TMEM132D: variants seen among roughly 807,000 people sequenced by gnomAD.
TMEM132D encodes the protein mature OL transmembrane protein.
A neutral mutation model predicts 62.3 loss-of-function variants in TMEM132D; 21 were observed. The observed-to-expected ratio is 0.34, with a 90% CI of 0.24 to 0.49. TMEM132D has a LOEUF of 0.49. Ranked by LOEUF, TMEM132D falls within the 20% of genes least tolerant of loss-of-function variation. TMEM132D has a pLI of 0.99. For synonymous variants in TMEM132D, 621 were observed against 575.6 expected (o/e 1.08, Z -1.13); for missense variants, 1,346 against 1,402.8 (o/e 0.96, Z 0.65).
intron 3 of TMEM132D, among the ~76,000 whole-genome samples, chr12:129,525,809 G>A (rs544666966): frequency 3.3e-5 from 5 of 152,130 alleles, no homozygotes; most frequent in Admixed American, 6.5e-5. Context: ...CACTCTCTTT[G>A]CGGAATCATC....
intron 5 of TMEM132D, among the ~76,000 whole-genome samples, chr12:129,170,649 AC>A (rs1441289910): frequency 3.3e-5 from 5 of 152,026 alleles, no homozygotes; most frequent in Admixed American, 6.6e-5. Flanking sequence ...ACATAGTAAA[AC>A]CCAGTCTCTA....
At chr12:129,192,014 T>A (rs1045124914) in intron 5 of TMEM132D, among the ~76,000 whole-genome samples, 31 of 152,256 alleles carry the variant, frequency 2.0e-4, no homozygotes, top group African/African-American at 7.2e-4. Context: ...TCATATCTTC[T>A]GAACCCTGGG....
chr12:129,269,099 A>G (rs1029936645), intron 4 of TMEM132D, among the ~76,000 whole-genome samples: 2 of 151,974 alleles, frequency 1.3e-5, no homozygotes, highest in East Asian at 1.9e-4. Context: ...CAGCACACCA[A>G]CATGGCACAT....
intron 5 of TMEM132D, among the ~76,000 whole-genome samples, chr12:129,108,035 A>T (rs1189608923): frequency 6.6e-6 from 1 of 152,176 alleles, no homozygotes; most frequent in Non-Finnish European, 1.5e-5. Context: ...TGTCCTGGAC[A>T]TTGCAGGGCA....
chr12:129,480,506 A>T (rs1241451829), intron 3 of TMEM132D, among the ~76,000 whole-genome samples: 2 of 152,176 alleles, frequency 1.3e-5, no homozygotes, highest in Non-Finnish European at 2.9e-5. Flanking sequence ...TCTGTGAATG[A>T]GCAAAATCAT....
Position 129,123,334 on chromosome 12 carries a change from T to C in TMEM132D, c.1444-38632A>G, listed in dbSNP as rs573568762. On this transcript the variant is annotated intron_variant, in intron 5 of 8. Transcript: ENST00000422113. ...TTGACAGTTTGTAATTAGTTGTTGA[T>C]TTTTTTTTCAACCTAAATATTCGGT... Among the ~76,000 whole-genome samples, 18 of 151,736 alleles carry C rather than the reference T, an allele frequency of 1.2e-4. 1 individual carries two copies. In the East Asian group the frequency reaches 1.6e-3, roughly 13 times the overall value.
chr12:129,406,228 G>A (rs1593367410), intron 3 of TMEM132D, among the ~76,000 whole-genome samples: 1 of 152,174 alleles, frequency 6.6e-6, no homozygotes, highest in South Asian at 2.1e-4. Context: ...AGTTTTGTAA[G>A]TAGTCTTCAA....
rs533715337 is a variant in TMEM132D at position 129,087,187 on chromosome 12, T to G, written c.1444-2485A>C. On this transcript the variant is annotated intron_variant, in intron 5 of 8. Transcript: ENST00000422113. ...CCCCATTCAACTTTGTTTCTGTGAG[T>G]TGGACTTTTCCCGACGTATAAGCAA... Among the ~76,000 whole-genome samples, 16 of 152,252 alleles carry G rather than the reference T, an allele frequency of 1.1e-4. No individual in the cohort carries two copies. In the East Asian group the frequency reaches 2.5e-3, roughly 24 times the overall value.
At chr12:129,795,752 C>A (rs1196207205) in intron 1 of TMEM132D, among the ~76,000 whole-genome samples, 2 of 152,148 alleles carry the variant, frequency 1.3e-5, no homozygotes, top group Non-Finnish European at 2.9e-5. Context: ...CCTTTACTAA[C>A]ACGTTTCTTA....
In TMEM132D at chr12:129,678,816, G is replaced by A. The variant is rs73158823; in HGVS notation, c.968+20994C>T. 3.0e-3 allele frequency among the ~76,000 whole-genome samples: 458 copies of A among 152,120 alleles called. 1 individual carries two copies. The highest frequency in any genetic ancestry group is 5.5e-3 in the Non-Finnish European group (375 of 67,928). The stretch of plus-strand genomic sequence containing the variant: ...AATGCCTATAAATGGCATGAAGCAG[G>A]AATCTCATCCCTTTTTTCTCATTTG... On this transcript the variant is annotated intron_variant, in intron 2 of 8. Transcript: ENST00000422113.
chr12:129,589,097 G>A (rs1878119800), intron 2 of TMEM132D, among the ~76,000 whole-genome samples: 1 of 152,056 alleles, frequency 6.6e-6, no homozygotes, highest in South Asian at 2.1e-4. Context: ...ATACGGTTTA[G>A]CTGTGTCCCC....
At chr12:129,266,561 T>C (rs566230628) in intron 4 of TMEM132D, among the ~76,000 whole-genome samples, 3 of 146,574 alleles carry the variant, frequency 2.0e-5, no homozygotes, top group Non-Finnish European at 4.5e-5. Context: ...CTTCCTCTCC[T>C]TTCCTCTTCA....
chr12:129,198,829 GTTAA>G (rs1179392929), intron 5 of TMEM132D, among the ~76,000 whole-genome samples: 4 of 152,120 alleles, frequency 2.6e-5, no homozygotes, highest in Non-Finnish European at 5.9e-5. Flanking sequence ...TGAAGGATAT[GTTAA>G]TTAGTTTGAT....
chr12:129,436,131 G>A (rs1196253259), intron 3 of TMEM132D, among the ~76,000 whole-genome samples: 1 of 152,138 alleles, frequency 6.6e-6, no homozygotes, highest in Non-Finnish European at 1.5e-5. Context: ...ACGTGGATGA[G>A]AATCTCAGCC....
At chr12:129,828,088 G>A (rs1203763839) in intron 1 of TMEM132D, among the ~76,000 whole-genome samples, 1 of 152,148 alleles carries the variant, frequency 6.6e-6, no homozygotes. Context: ...CAATGAGAAT[G>A]ATTGTATGCA....
At chr12:129,500,853 G>A (rs1338423242) in intron 3 of TMEM132D, among the ~76,000 whole-genome samples, 1 of 152,162 alleles carries the variant, frequency 6.6e-6, no homozygotes, top group African/African-American at 2.4e-5. Context: ...CCAGTCCTTT[G>A]TAGGTACCTG....
At chr12:129,667,531 A>G in intron 2 of TMEM132D, among the ~76,000 whole-genome samples, 1 of 152,142 alleles carries the variant, frequency 6.6e-6, no homozygotes, top group East Asian at 1.9e-4. Flanking sequence ...GGCCAAATGA[A>G]TGACTTACGA....
intron 3 of TMEM132D, among the ~76,000 whole-genome samples, chr12:129,409,113 A>G (rs1403511476): frequency 6.6e-6 from 1 of 151,998 alleles, no homozygotes; most frequent in African/African-American, 2.4e-5. Flanking sequence ...TTGTATTTTC[A>G]GTAGACACGG....
At chr12:129,121,309 T>A (rs1876053581) in intron 5 of TMEM132D, among the ~76,000 whole-genome samples, 1 of 152,100 alleles carries the variant, frequency 6.6e-6, no homozygotes, top group Non-Finnish European at 1.5e-5. Flanking sequence ...TTGGCCAGGC[T>A]GGTCTCAAAC....
Sources: gnomAD v4.1 joint callset for allele counts (sites outside exome capture counted in the v4.1 genomes callset) on GRCh38, gnomAD v4.1.1 for gene constraint, MANE v1.5 for transcripts, NCBI Gene and HGNC (gene_info 2026-07-23, HGNC 2026-07-21) for gene names.